Variants in GPC6 observed in about 807,000 individuals in gnomAD.
GPC6 encodes the protein glypican-6.
In GPC6, 14 loss-of-function variants were observed where a neutral mutation model predicts 55.2. The ratio of observed to expected loss-of-function variants is 0.25; its 90% CI spans 0.17 to 0.40. GPC6 has a LOEUF of 0.40. Among genes scored for constraint, GPC6 ranks in the 10% least tolerant of loss-of-function variants. The pLI is 1.00. For synonymous variants in GPC6, 278 were observed against 259.6 expected, an observed-to-expected ratio of 1.07 and a Z score of -0.68; for missense variants, 641 against 708.5, an observed-to-expected ratio of 0.90 and a Z score of 1.08.
chr13:94,194,529 C>T (rs559259077), intron 4 of GPC6, among the ~76,000 whole-genome samples: 45 of 152,214 alleles, frequency 3.0e-4, no homozygotes, highest in African/African-American at 1.0e-3. Context: ...TATGTTCTCA[C>T]TCATAAGTGG....
At position 94,300,177 on chromosome 13, in the gene GPC6, C is replaced by T. The variant is rs138476346; in HGVS notation, c.1009-5803C>T. On this transcript the variant is annotated intron_variant, in intron 5 of 8. Transcript: ENST00000377047. ...CAGAATTTTTAAAAACCACAGGAGC[C>T]GAGACGGGATTTACCTGCAGCCACT... 1.7e-3 allele frequency among the ~76,000 whole-genome samples: 259 copies of T among 152,122 alleles called. 2 individuals are homozygous for T. Among genetic ancestry groups the T allele is most frequent in the Admixed American group, 0.015 (224 of 15,286 alleles).
chr13:93,542,806 C>T (rs1364804934), intron 1 of GPC6, among the ~76,000 whole-genome samples: 2 of 152,096 alleles, frequency 1.3e-5, no homozygotes, highest in Non-Finnish European at 2.9e-5. Context: ...GGAGTTCACT[C>T]ATGATTTGGC....
At chr13:94,052,029 A>G (rs1883965305) in intron 4 of GPC6, among the ~76,000 whole-genome samples, 2 of 152,302 alleles carry the variant, frequency 1.3e-5, no homozygotes, top group South Asian at 4.1e-4. Context: ...AAAAACATAA[A>G]AAAGACATGG....
chr13:93,602,326 T>G (rs1253485246), intron 2 of GPC6, among the ~76,000 whole-genome samples: 1 of 152,154 alleles, frequency 6.6e-6, no homozygotes, highest in Admixed American at 6.5e-5. Flanking sequence ...TGAGGAAACA[T>G]TATGTTTTCA....
At chr13:94,179,745 A>G (rs1440632969) in intron 4 of GPC6, among the ~76,000 whole-genome samples, 2 of 152,196 alleles carry the variant, frequency 1.3e-5, no homozygotes, top group Non-Finnish European at 2.9e-5. Context: ...GCTTTTGATT[A>G]CAACTCTTTC....
intron 6 of GPC6, among the ~76,000 whole-genome samples, chr13:94,319,523 A>G (rs1015020596): frequency 2.6e-5 from 4 of 152,208 alleles, no homozygotes; most frequent in African/African-American, 9.6e-5. Flanking sequence ...TTCTTTGGTT[A>G]TCATTCCTTT....
intron 1 of GPC6, among the ~76,000 whole-genome samples, chr13:93,240,995 G>T (rs1356341154): frequency 6.6e-6 from 1 of 152,122 alleles, no homozygotes; most frequent in Non-Finnish European, 1.5e-5. Context: ...TGAGTTTTTT[G>T]CTGGGAAGTC....
At chr13:94,349,955 G>A (rs981715764) in intron 6 of GPC6, among the ~76,000 whole-genome samples, 1 of 152,038 alleles carries the variant, frequency 6.6e-6, no homozygotes, top group African/African-American at 2.4e-5. Flanking sequence ...CCAACAATTC[G>A]AGTTTGTTGA....
intron 2 of GPC6, among the ~76,000 whole-genome samples, chr13:93,765,307 T>TGTCCAGA (rs1885090655): frequency 6.6e-6 from 1 of 152,068 alleles, no homozygotes; most frequent in Admixed American, 6.6e-5. Flanking sequence ...GAAAGACAAC[T>TGTCCAGA]TATTTGGTTT....
At chr13:93,923,169 T>C (rs1220606024) in intron 3 of GPC6, among the ~76,000 whole-genome samples, 1 of 152,228 alleles carries the variant, frequency 6.6e-6, no homozygotes, top group Non-Finnish European at 1.5e-5. Context: ...TGTGTTTTCA[T>C]TTTGCCTTTA....
intron 1 of GPC6, among the ~76,000 whole-genome samples, chr13:93,358,050 GAT>G (rs758781502): frequency 4.0e-5 from 6 of 151,464 alleles, no homozygotes; most frequent in Non-Finnish European, 7.4e-5. Flanking sequence ...CAATTTTTGT[GAT>G]AATAGTTAAC....
At chr13:93,657,414 C>CT (rs1191551866) in intron 2 of GPC6, among the ~76,000 whole-genome samples, 1 of 152,080 alleles carries the variant, frequency 6.6e-6, no homozygotes, top group Admixed American at 6.6e-5. Context: ...AAGATTGAAA[C>CT]TGGACCCCTT....
intron 4 of GPC6, among the ~76,000 whole-genome samples, chr13:94,119,216 G>A (rs1306622492): frequency 1.3e-5 from 2 of 151,898 alleles, no homozygotes; most frequent in Non-Finnish European, 2.9e-5. Context: ...ACAAAACAAA[G>A]CCTGAGCTGT....
Position 94,124,945 on chromosome 13 carries a change from G to A in GPC6, c.877+97051G>A, listed in dbSNP as rs542607034. Reference sequence around the variant, plus strand: ...CTGTACTTTGCCAGGCAATTTGTGTGATAAACTGAAAAACAAGCAAGCAAA... The same window carrying A: ...CTGTACTTTGCCAGGCAATTTGTGTAATAAACTGAAAAACAAGCAAGCAAA... On this transcript the variant is annotated intron_variant, in intron 4 of 8. Transcript: ENST00000377047. Among the ~76,000 whole-genome samples the A allele has an allele frequency of 5.3e-5, 8 of 152,204 alleles. No homozygotes were observed. The East Asian group carries it at 7.8e-4, about 15-fold the overall frequency.
chr13:94,365,203 C>G (rs1180628318), intron 6 of GPC6, among the ~76,000 whole-genome samples: 1 of 152,174 alleles, frequency 6.6e-6, no homozygotes, highest in African/African-American at 2.4e-5. Context: ...TGGGGAGGTC[C>G]TAGTTGAAAC....
At chr13:94,008,677 G>A (rs1211042592) in intron 3 of GPC6, among the ~76,000 whole-genome samples, 1 of 151,902 alleles carries the variant, frequency 6.6e-6, no homozygotes, top group East Asian at 1.9e-4. Context: ...ATAAATAGTT[G>A]GAAAGGATGC....
intron 1 of GPC6, among the ~76,000 whole-genome samples, chr13:93,287,934 T>G (rs1878190571): frequency 6.6e-6 from 1 of 152,170 alleles, no homozygotes; most frequent in Non-Finnish European, 1.5e-5. Flanking sequence ...TAATAGCAAG[T>G]GGATATCATC....
intron 4 of GPC6, among the ~76,000 whole-genome samples, chr13:94,070,193 G>A (rs1283663789): frequency 6.6e-6 from 1 of 152,222 alleles, no homozygotes; most frequent in Non-Finnish European, 1.5e-5. Flanking sequence ...GAGAGAGCTT[G>A]TGTAGGGAAA....
chr13:93,874,360 T>G (rs906108865), intron 3 of GPC6, among the ~76,000 whole-genome samples: 2 of 151,892 alleles, frequency 1.3e-5, no homozygotes, highest in Non-Finnish European at 2.9e-5. Flanking sequence ...CCATCCATGT[T>G]CCTGCAAAGG....
Sources: gnomAD v4.1 joint callset for allele counts (sites outside exome capture counted in the v4.1 genomes callset) on GRCh38, gnomAD v4.1.1 for gene constraint, MANE v1.5 for transcripts, NCBI Gene and HGNC (gene_info 2026-07-23, HGNC 2026-07-21) for gene names.